TUNAR: variants seen among roughly 807,000 people sequenced by gnomAD.
TUNAR encodes the protein protein TUNAR.
chr14:95,914,365 CAG>C (rs1480903630), intron 2 of TUNAR, among the ~76,000 whole-genome samples: 2 of 152,186 alleles, frequency 1.3e-5, no homozygotes, highest in African/African-American at 4.8e-5. Context: ...CTTCCACAAA[CAG>C]GGAGCAATGT....
intron 2 of TUNAR, among the ~76,000 whole-genome samples, chr14:95,901,646 A>T (rs1889355678): frequency 6.6e-6 from 1 of 152,214 alleles, no homozygotes; most frequent in South Asian, 2.1e-4. Flanking sequence ...AAATGGGCAG[A>T]TACTCATTCA....
At position 95,883,397 on chromosome 14, in the gene TUNAR, C is replaced by T. The variant is rs542278875; in HGVS notation, c.12+6220C>T. Among the ~76,000 whole-genome samples, 47 of 152,256 alleles carry T rather than the reference C, an allele frequency of 3.1e-4. No individual in the cohort carries two copies. In the South Asian group the frequency reaches 9.1e-3, roughly 30 times the overall value. On this transcript the variant is annotated intron_variant, in intron 2 of 2. Coordinates refer to ENST00000678517, the Ensembl canonical transcript of TUNAR. ...GTCCCGTCTGGTTACTAGGATCCACCCCCCCAACACACACCATCATCCTTT... is the reference window on the plus strand; with the variant it reads ...GTCCCGTCTGGTTACTAGGATCCACTCCCCCAACACACACCATCATCCTTT...
At chr14:95,892,651 C>T (rs1420615524) in intron 2 of TUNAR, among the ~76,000 whole-genome samples, 2 of 152,228 alleles carry the variant, frequency 1.3e-5, no homozygotes, top group Non-Finnish European at 2.9e-5. Context: ...CTCCATTTCC[C>T]CTCCAGCAGT....
chr14:95,914,644 A>C (rs1566791906), intron 2 of TUNAR, among the ~76,000 whole-genome samples: 1 of 151,894 alleles, frequency 6.6e-6, no homozygotes, highest in Non-Finnish European at 1.5e-5. Flanking sequence ...TGAAGTCATG[A>C]GAATGAGCCT....
intron 2 of TUNAR, among the ~76,000 whole-genome samples, chr14:95,922,505 A>G (rs1385725095): frequency 6.6e-6 from 1 of 151,224 alleles, no homozygotes; most frequent in Non-Finnish European, 1.5e-5. Context: ...GAAGGGGGGA[A>G]AACCAGCTCA....
chr14:95,878,677 G>A (rs999592797), intron 2 of TUNAR, among the ~76,000 whole-genome samples: 14 of 152,222 alleles, frequency 9.2e-5, no homozygotes, highest in African/African-American at 3.4e-4. Flanking sequence ...CCAGGGAGCT[G>A]TGAGATTCAG....
chr14:95,888,444 C>T (rs369056479), intron 2 of TUNAR, among the ~76,000 whole-genome samples: 1 of 152,150 alleles, frequency 6.6e-6, no homozygotes, highest in Non-Finnish European at 1.5e-5. Context: ...AGCTAGGTGG[C>T]CTTGCTGCGG....
chr14:95,878,620 A>G (rs1409754951), intron 2 of TUNAR, among the ~76,000 whole-genome samples: 1 of 152,244 alleles, frequency 6.6e-6, no homozygotes, highest in Admixed American at 6.5e-5. Flanking sequence ...TTGGACGAAC[A>G]TTCTACACTG....
chr14:95,898,909 G>C (rs148420064), intron 2 of TUNAR, among the ~76,000 whole-genome samples: 2,936 of 152,286 alleles, frequency 0.019, 36 homozygotes, highest in Middle Eastern at 0.061. Context: ...TCTAGCAGCT[G>C]TTGTGAGATT....
At chr14:95,909,393 C>T (rs2139667117) in intron 2 of TUNAR, among the ~76,000 whole-genome samples, 1 of 149,564 alleles carries the variant, frequency 6.7e-6, no homozygotes, top group East Asian at 2.0e-4. Context: ...AAGCGATTTT[C>T]CTGCCTCAGC....
intron 2 of TUNAR, among the ~76,000 whole-genome samples, chr14:95,881,137 T>C (rs918258623): frequency 1.3e-5 from 2 of 152,212 alleles, no homozygotes; most frequent in Non-Finnish European, 2.9e-5. Context: ...AAAAAAAGCA[T>C]GCAGATGATT....
chr14:95,888,945 G>A lies in TUNAR; in HGVS notation c.12+11768G>A, dbSNP rs147416992. ...GCAGCAGAGTGGGGTGTCGGATCCCGAGCATGGCCGTCACCCCTCTGCAGT... is the reference window on the plus strand; with the variant it reads ...GCAGCAGAGTGGGGTGTCGGATCCCAAGCATGGCCGTCACCCCTCTGCAGT... On this transcript the variant is annotated intron_variant, in intron 2 of 2. Transcript: ENST00000678517. 5.3e-5 allele frequency among the ~76,000 whole-genome samples: 8 copies of A among 152,274 alleles called. No homozygotes were observed. The East Asian group carries it at 9.7e-4, about 18-fold the overall frequency.
At chr14:95,877,383 A>C (rs189569473) in intron 2 of TUNAR, among the ~76,000 whole-genome samples, 2 of 152,072 alleles carry the variant, frequency 1.3e-5, no homozygotes, top group East Asian at 1.9e-4. Context: ...TGCCTTCTGG[A>C]GAAAGATGTG....
chr14:95,918,757 G>A (rs1476583963), intron 2 of TUNAR, among the ~76,000 whole-genome samples: 2 of 152,220 alleles, frequency 1.3e-5, no homozygotes, highest in Non-Finnish European at 2.9e-5. Flanking sequence ...AAACCAAGCA[G>A]CCTCCATGAC....
intron 2 of TUNAR, among the ~76,000 whole-genome samples, chr14:95,888,677 G>A (rs1195566251): frequency 6.6e-6 from 1 of 152,170 alleles, no homozygotes; most frequent in Admixed American, 6.5e-5. Flanking sequence ...CCAAGAGAGA[G>A]CAAGAGGTTG....
intron 2 of TUNAR, among the ~76,000 whole-genome samples, chr14:95,893,861 T>C (rs1398159135): frequency 6.6e-6 from 1 of 152,256 alleles, no homozygotes; most frequent in Non-Finnish European, 1.5e-5. Flanking sequence ...CAGCTCCGAA[T>C]TGTGGCTGCA....
chr14:95,917,628 G>A (rs777853137), intron 2 of TUNAR, among the ~76,000 whole-genome samples: 6 of 152,144 alleles, frequency 3.9e-5, no homozygotes, highest in Non-Finnish European at 7.4e-5. Flanking sequence ...CTAGCATTCC[G>A]TGAAGATGGT....
chr14:95,921,470 C>G (rs1175448752), intron 2 of TUNAR, among the ~76,000 whole-genome samples: 1 of 152,204 alleles, frequency 6.6e-6, no homozygotes, highest in Middle Eastern at 3.2e-3. Flanking sequence ...GAAAAGAAGG[C>G]TTTGGCTGCC....
At chr14:95,911,802 G>A (rs1364173641) in intron 2 of TUNAR, among the ~76,000 whole-genome samples, 2 of 152,182 alleles carry the variant, frequency 1.3e-5, no homozygotes, top group African/African-American at 4.8e-5. Context: ...TAGCACATCA[G>A]GGAGCAAAGA....
Sources: allele counts gnomAD v4.1 joint callset (sites outside exome capture counted in the v4.1 genomes callset), GRCh38; gene constraint gnomAD v4.1.1; transcripts MANE v1.5; gene names NCBI Gene and HGNC (gene_info 2026-07-23, HGNC 2026-07-21).